Variants in WIPF1 observed in about 807,000 individuals in gnomAD.
WIPF1 encodes the protein WAS/WASL interacting protein family member 1, also known as WAS/WASL-interacting protein family member 1.
WIPF1 carries 13 observed loss-of-function variants against 35.4 expected under a neutral mutation model. The observed-to-expected ratio is 0.37, with a 90% CI of 0.24 to 0.58. WIPF1 has a LOEUF of 0.58. Among genes scored for constraint, WIPF1 ranks in the 20% least tolerant of loss-of-function variants. The pLI is 0.74. For missense variants in WIPF1, 591 were observed against 667.0 expected, an observed-to-expected ratio of 0.89 and a Z score of 1.25; for synonymous variants, 267 against 266.3, an observed-to-expected ratio of 1.00 and a Z score of -0.02.
intron 7 of WIPF1, among the ~76,000 whole-genome samples, chr2:174,564,206 T>C (rs1684572142): frequency 6.6e-6 from 1 of 152,214 alleles, no homozygotes. Flanking sequence ...GGTGCCTTAT[T>C]TATTTTTGTT....
chr2:174,567,370 G>A lies in WIPF1; in HGVS notation c.1343-187C>T, dbSNP rs3815969. Among the ~76,000 whole-genome samples, 74,119 of 152,130 alleles carry A rather than the reference G, an allele frequency of 0.49. 19,113 individuals are homozygous for A. The highest frequency in any genetic ancestry group is 0.85 in the East Asian group (4,410 of 5,170). ...AATTAGTACACTGACATATATACAG[G>A]CCTGCAAATCAAAGCAAAGTGGTTT... is the stretch of plus-strand genomic sequence containing the variant. On this transcript the variant is annotated intron_variant, in intron 6 of 7. Coordinates refer to ENST00000679041, the MANE Select transcript of WIPF1 (RefSeq NM_001375834.1).
chr2:174,569,943 A>G (rs13391840), intron 5 of WIPF1, among the ~76,000 whole-genome samples: 21,933 of 152,272 alleles, frequency 0.14, 2,219 homozygotes, highest in African/African-American at 0.29. Flanking sequence ...TTGGTAGGAA[A>G]TTCCTGGAAG....
At chr2:174,659,626 C>G (rs530826958) in intron 1 of WIPF1, among the ~76,000 whole-genome samples, 1 of 152,206 alleles carries the variant, frequency 6.6e-6, no homozygotes, top group East Asian at 1.9e-4. Flanking sequence ...TCCGGATTAT[C>G]AACATTATTT....
intron 1 of WIPF1, among the ~76,000 whole-genome samples, chr2:174,645,528 T>C (rs1031261038): frequency 2.0e-5 from 3 of 152,230 alleles, no homozygotes; most frequent in Admixed American, 2.0e-4. Flanking sequence ...TGAGGGATTT[T>C]TGGAGTATTA....
At chr2:174,597,247 A>T (rs1313200413) in intron 1 of WIPF1, among the ~76,000 whole-genome samples, 1 of 152,188 alleles carries the variant, frequency 6.6e-6, no homozygotes, top group Non-Finnish European at 1.5e-5. Flanking sequence ...CACACCAAAG[A>T]TTCAAAGGCA....
In WIPF1 at chr2:174,571,601, T is replaced by C; in HGVS notation, c.1129+75A>G. On this transcript the variant is annotated intron_variant, in intron 5 of 7. Transcript: ENST00000679041. This position sits in a 1 kb window ranked among gnomAD's most constrained non-coding sequence, Gnocchi z 4.6. ...ACTTATGCCTGCTTTTGTTAGACTA[T>C]CTTGACTGACAGGATTATTGGTACA... The C allele has an allele frequency of 6.3e-7, 1 of 1,599,450 alleles. No homozygotes were observed. The highest frequency in any genetic ancestry group is 8.6e-7 in the Non-Finnish European group (1 of 1,167,132).
chr2:174,682,590 G>A (rs1688276457), intron 1 of WIPF1, among the ~76,000 whole-genome samples: 1 of 151,798 alleles, frequency 6.6e-6, no homozygotes, highest in Non-Finnish European at 1.5e-5. Context: ...CCCCTCCCGA[G>A]GCCGCGCGCC....
intron 1 of WIPF1, among the ~76,000 whole-genome samples, chr2:174,586,558 C>T (rs140451368): frequency 0.013 from 1,990 of 152,174 alleles, 51 homozygotes; most frequent in African/African-American, 0.046. Context: ...CCAGGAGAGA[C>T]GATGGCCAGG....
intron 1 of WIPF1, among the ~76,000 whole-genome samples, chr2:174,670,062 T>C (rs1687976528): frequency 6.6e-6 from 1 of 152,062 alleles, no homozygotes; most frequent in Admixed American, 6.5e-5. Context: ...TAATCTCTGT[T>C]TCCTAATGAG....
chr2:174,666,626 A>G (rs1051416745), intron 1 of WIPF1, among the ~76,000 whole-genome samples: 1 of 152,210 alleles, frequency 6.6e-6, no homozygotes, highest in Non-Finnish European at 1.5e-5. Context: ...TGCCTGGCCT[A>G]CCTGCCACAG....
At chr2:174,605,316 T>C (rs1027344703) in intron 1 of WIPF1, among the ~76,000 whole-genome samples, 1 of 152,112 alleles carries the variant, frequency 6.6e-6, no homozygotes, top group African/African-American at 2.4e-5. Context: ...TGCGCACCTG[T>C]AATCCCAGCT....
intron 7 of WIPF1, chr2:174,566,331 T>C (rs1684659284): frequency 6.6e-6 from 1 of 152,254 alleles, no homozygotes; most frequent in Non-Finnish European, 1.5e-5. Flanking sequence ...CCTTTCTTGT[T>C]GACATTCTTC....
intron 1 of WIPF1, chr2:174,676,646 A>C (rs1332099943): frequency 6.6e-6 from 1 of 151,990 alleles, no homozygotes; most frequent in East Asian, 1.9e-4. Context: ...CTTCTCAGCC[A>C]AAGCAAGGGA....
chr2:174,627,121 A>G (rs1207253044), intron 1 of WIPF1, among the ~76,000 whole-genome samples: 1 of 152,072 alleles, frequency 6.6e-6, no homozygotes, highest in Non-Finnish European at 1.5e-5. Flanking sequence ...TGCCCTTACC[A>G]GCTCACCTAC....
rs141862020 is a variant in WIPF1 at position 174,677,559 on chromosome 2, G to T, written c.-39+5215C>A. ...AGCAAATGGAGAAGAGAACATTTTG[G>T]CTCTTGTTAAGAAGCATGTTCTTAC... On this transcript the variant is annotated intron_variant, in intron 1 of 8. Transcript: ENST00000272746. Among the ~76,000 whole-genome samples the T allele has an allele frequency of 4.9e-3, 743 of 152,274 alleles. 4 individuals are homozygous for T. Among genetic ancestry groups the T allele is most frequent in the Middle Eastern group, 0.017 (5 of 294 alleles).
chr2:174,580,864 T>C (rs1460952334), intron 3 of WIPF1, among the ~76,000 whole-genome samples: 2 of 152,170 alleles, frequency 1.3e-5, no homozygotes, highest in African/African-American at 4.8e-5. Context: ...CATGACAAAC[T>C]TGTGAGGTCA....
At chr2:174,600,180 C>T (rs568239380), upstream of WIPF1, among the ~76,000 whole-genome samples, 2 of 152,132 alleles carry the variant, frequency 1.3e-5, no homozygotes, top group African/African-American at 4.8e-5. Context: ...TGGTTGGAGA[C>T]CCCTACCTTA....
At chr2:174,656,917 TAG>T (rs960908463) in intron 1 of WIPF1, among the ~76,000 whole-genome samples, 8 of 152,198 alleles carry the variant, frequency 5.3e-5, no homozygotes, top group African/African-American at 1.9e-4. Context: ...AAAAACAAAA[TAG>T]ACAGCTACTC....
intron 1 of WIPF1, among the ~76,000 whole-genome samples, chr2:174,660,524 G>A (rs1278446270): frequency 6.6e-6 from 1 of 152,130 alleles, no homozygotes; most frequent in Non-Finnish European, 1.5e-5. Flanking sequence ...ACCCTAGGGA[G>A]GGGGGAACAG....
Sources: gnomAD v4.1 joint callset for allele counts (sites outside exome capture counted in the v4.1 genomes callset) on GRCh38, gnomAD v4.1.1 for gene constraint, Gnocchi (gnomAD v3.1) non-coding constraint, MANE v1.5 for transcripts, NCBI Gene and HGNC (gene_info 2026-07-23, HGNC 2026-07-21) for gene names.